CSN3: variants seen among roughly 807,000 people sequenced by gnomAD.
CSN3 encodes kappa-casein.
In CSN3, 7 loss-of-function variants were observed where a neutral mutation model predicts 9.9. The observed-to-expected ratio is 0.71, with a 90% CI of 0.40 to 1.33. The LOEUF (loss-of-function observed/expected upper bound fraction) is 1.33. Ranked by LOEUF, CSN3 falls within the 40% of genes most tolerant of loss-of-function variation. CSN3 has a pLI of 0.01. For missense variants in CSN3, 253 were observed against 227.9 expected (o/e 1.11, Z -0.71); for synonymous variants, 88 against 82.3 (o/e 1.07, Z -0.37).
chr4:70,249,239 G>T (rs1048152), exon 4 of CSN3: 169,220 of 1,613,820 alleles, frequency 0.1, 10,482 homozygotes, highest in East Asian at 0.24. Flanking sequence ...GTGGTACGTC[G>T]CCCAAACCTG....
intron 1 of CSN3, among the ~76,000 whole-genome samples, chr4:70,243,715 G>A (rs1730316545): frequency 6.6e-6 from 1 of 151,928 alleles, no homozygotes; most frequent in East Asian, 1.9e-4. Context: ...AAAAAGTTTG[G>A]GGTATCATAT....
intron 1 of CSN3, among the ~76,000 whole-genome samples, chr4:70,244,138 C>A (rs978505762): frequency 1.3e-5 from 2 of 152,068 alleles, no homozygotes; most frequent in African/African-American, 2.4e-5. Flanking sequence ...AATGTATAGT[C>A]ATACACTTTC....
upstream of CSN3, among the ~76,000 whole-genome samples, chr4:70,241,976 A>T (rs1025171950): frequency 6.6e-6 from 1 of 152,118 alleles, no homozygotes; most frequent in Admixed American, 6.6e-5. Context: ...AATTTTTAAA[A>T]ATCAATAATT....
chr4:70,242,261 T>A (rs1440557713), upstream of CSN3, among the ~76,000 whole-genome samples: 1 of 150,794 alleles, frequency 6.6e-6, no homozygotes, highest in Non-Finnish European at 1.5e-5. Flanking sequence ...TGACTCTACA[T>A]CCTTCTCTGC....
exon 4 of CSN3, chr4:70,249,175 C>T (rs2109699092): frequency 6.2e-7 from 1 of 1,614,042 alleles, no homozygotes; most frequent in Non-Finnish European, 8.5e-7. Context: ...TGTAGTTAGG[C>T]CACATGCCCA....
At position 70,249,410 on chromosome 4, in the gene CSN3, C is replaced by T. The variant is rs777759332; in HGVS notation, c.500C>T (p.Thr167Met). Reference sequence around the variant, plus strand: ...GAAGCTTTTTCAGAGTCCATCATCACGAGCACCCCTGAGACAACCACAGTT... The same window carrying T: ...GAAGCTTTTTCAGAGTCCATCATCATGAGCACCCCTGAGACAACCACAGTT... The change falls in exon 4 of 5, where the codon ACG becomes ATG. Residue 167 changes from threonine to methionine, a missense_variant. Transcript: ENST00000304954. 126 of 1,613,892 alleles carry T rather than the reference C, an allele frequency of 7.8e-5. No individual in the cohort carries two copies. The highest frequency in any genetic ancestry group is 1.6e-4 in the Middle Eastern group (1 of 6,084).
chr4:70,243,265 T>G lies in CSN3; in HGVS notation c.-9+600T>G, dbSNP rs116715315. 1.4e-3 allele frequency: 717 copies of G among 526,222 alleles called. 8 individuals carry two copies. In the African/African-American group the frequency reaches 0.014, roughly 10 times the overall value. 32.6% of individuals were successfully genotyped at this position (526,222 alleles called of 1,614,324 possible). Reference sequence around the variant, plus strand: ...TATCATTTTATAGAATATTTTCTTTTGTTTACATATCATTTTACTGTGTGA... The same window carrying G: ...TATCATTTTATAGAATATTTTCTTTGGTTTACATATCATTTTACTGTGTGA... On this transcript the variant is annotated intron_variant, in intron 1 of 4. Transcript: ENST00000304954.
chr4:70,251,222 T>C (rs62308391), intron 4 of CSN3, 40 bp from the exon 5 acceptor site: 17,400 of 152,226 alleles, frequency 0.11, 1,318 homozygotes, highest in East Asian at 0.27. Flanking sequence ...ACTGTTAACA[T>C]ACTATGAATA....
chr4:70,246,322 A>G (rs1020425742), intron 2 of CSN3, among the ~76,000 whole-genome samples: 13 of 152,266 alleles, frequency 8.5e-5, no homozygotes, highest in African/African-American at 2.6e-4. Flanking sequence ...ATCAAATCTC[A>G]TTTGTGAAAA....
intron 4 of CSN3, 76 bp downstream of exon 4, chr4:70,249,569 T>C (rs1379252401): frequency 9.2e-6 from 8 of 868,914 alleles, no homozygotes; most frequent in East Asian, 2.7e-5. Context: ...AATTCTAAAA[T>C]AGTACAAATA....
intron 2 of CSN3, among the ~76,000 whole-genome samples, chr4:70,245,679 G>C (rs1560496253): frequency 6.6e-6 from 1 of 152,006 alleles, no homozygotes; most frequent in Non-Finnish European, 1.5e-5. Context: ...AAATTTTGAG[G>C]AACACTAGTC....
At chr4:70,249,576 A>C in intron 4 of CSN3, 83 bp downstream of exon 4, 1 of 846,606 alleles carries the variant, frequency 1.2e-6, no homozygotes, top group Non-Finnish European at 1.8e-6. Flanking sequence ...AAATAGTACA[A>C]ATAGATAAAC....
At chr4:70,249,401 C>G in exon 4 of CSN3, 1 of 1,614,062 alleles carries the variant, frequency 6.2e-7, no homozygotes. Context: ...TTTTCAGAGT[C>G]CATCATCACG....
chr4:70,238,840 A>T (rs1730220271), upstream of CSN3, among the ~76,000 whole-genome samples: 1 of 151,830 alleles, frequency 6.6e-6, no homozygotes, highest in South Asian at 2.1e-4. Context: ...CCCCTGAGCC[A>T]CTAGTAGTAT....
At chr4:70,240,590 A>G (rs1331747093), upstream of CSN3, among the ~76,000 whole-genome samples, 1 of 152,004 alleles carries the variant, frequency 6.6e-6, no homozygotes, top group African/African-American at 2.4e-5. Context: ...TCGAAAACGC[A>G]AGAGCATTGC....
intron 4 of CSN3, 150 bp downstream of exon 4, chr4:70,249,643 C>G (rs1437670176): frequency 1.7e-6 from 1 of 580,726 alleles, no homozygotes; most frequent in African/African-American, 1.9e-5. Flanking sequence ...CTTGGTAAAC[C>G]CATAGCATTG....
At chr4:70,241,054 A>G (rs1730261568), upstream of CSN3, among the ~76,000 whole-genome samples, 1 of 152,042 alleles carries the variant, frequency 6.6e-6, no homozygotes, top group Non-Finnish European at 1.5e-5. Flanking sequence ...CTTGTAAATT[A>G]AATAATTCAA....
At chr4:70,243,187 C>T (rs1289117474) in intron 1 of CSN3, 38 of 972,296 alleles carry the variant, frequency 3.9e-5, no homozygotes, top group Non-Finnish European at 4.4e-5. Flanking sequence ...GTAGCTGATG[C>T]GCAAAGTATG....
intron 1 of CSN3, chr4:70,243,078 T>C (rs919620481): frequency 7.2e-6 from 3 of 419,194 alleles, no homozygotes; most frequent in Admixed American, 6.4e-5. Flanking sequence ...GGAATAATTA[T>C]TTTTTTAAAA....
Sources: gnomAD v4.1 joint callset for allele counts (sites outside exome capture counted in the v4.1 genomes callset) on GRCh38, gnomAD v4.1.1 for gene constraint, MANE v1.5 for transcripts, NCBI Gene and HGNC (gene_info 2026-07-23, HGNC 2026-07-21) for gene names.